The following FBXO15 variants were observed in gnomAD, a reference collection of about 807,000 sequenced individuals.
FBXO15 encodes F-box only protein 15.
Under a neutral mutation model 49.5 loss-of-function variants are expected in FBXO15, and 30 were observed. That is an observed-to-expected ratio of 0.61 (90% CI 0.45 to 0.82). FBXO15 has a LOEUF of 0.82. FBXO15 is among the 40% of genes least tolerant of loss of function. The pLI is 0.00. For synonymous variants in FBXO15, 250 were observed against 232.7 expected, an observed-to-expected ratio of 1.07 and a Z score of -0.68; for missense variants, 591 against 631.5, an observed-to-expected ratio of 0.94 and a Z score of 0.69.
intron 9 of FBXO15, chr18:74,076,618 A>T (rs1912267812): frequency 2.0e-5 from 3 of 152,178 alleles, no homozygotes; most frequent in Admixed American, 2.0e-4. Flanking sequence ...AAACCAAGTG[A>T]CTGCTCTTCC....
chr18:74,102,303 T>C (rs1913557473), intron 8 of FBXO15, among the ~76,000 whole-genome samples: 1 of 151,838 alleles, frequency 6.6e-6, no homozygotes, highest in Non-Finnish European at 1.5e-5. Flanking sequence ...AGGATATGAA[T>C]AGATAATTCT....
chr18:74,129,914 G>C (rs1233484316), intron 4 of FBXO15, among the ~76,000 whole-genome samples: 1 of 152,134 alleles, frequency 6.6e-6, no homozygotes, highest in Non-Finnish European at 1.5e-5. Context: ...AGATAAGTAG[G>C]TTACTTCTGC....
intron 4 of FBXO15, 149 bp downstream of exon 4, chr18:74,130,267 C>T (rs961092925): frequency 4.6e-5 from 51 of 1,103,572 alleles, no homozygotes; most frequent in South Asian, 1.5e-4. Context: ...GAAGGCTATG[C>T]GGAATAGGAA....
At chr18:74,088,677 A>C (rs1036933692) in intron 8 of FBXO15, among the ~76,000 whole-genome samples, 1 of 152,042 alleles carries the variant, frequency 6.6e-6, no homozygotes, top group South Asian at 2.1e-4. Flanking sequence ...GATTGCCTTG[A>C]CTATTTGGGC....
At position 74,110,999 on chromosome 18, in the gene FBXO15, T is replaced by C. The variant is rs144381634; in HGVS notation, c.1138+12369A>G. 2.3e-3 allele frequency among the ~76,000 whole-genome samples: 351 copies of C among 152,144 alleles called. 1 individual carries two copies. Among genetic ancestry groups the C allele is most frequent in the African/African-American group, 8.0e-3 (334 of 41,496 alleles). ...CACCTCTCTATCAGAAATTGACAGA[T>C]CCAGCAGGCAGAAAATCAGTAAGGA... On this transcript the variant is annotated intron_variant, in intron 8 of 9. Coordinates refer to ENST00000419743, the MANE Select transcript of FBXO15 (RefSeq NM_001142958.2).
At chr18:74,089,916 T>C (rs146572330) in intron 8 of FBXO15, among the ~76,000 whole-genome samples, 16,496 of 152,204 alleles carry the variant, frequency 0.11, 1,147 homozygotes, top group East Asian at 0.16. Flanking sequence ...GGTATCAGGA[T>C]GATGCTGGCC....
intron 8 of FBXO15, among the ~76,000 whole-genome samples, chr18:74,107,072 T>A (rs1377442584): frequency 1.3e-5 from 2 of 152,022 alleles, no homozygotes; most frequent in African/African-American, 4.8e-5. Flanking sequence ...TTTGCTTCTT[T>A]ATAAATTCTA....
At chr18:74,101,522 G>A (rs773600996) in intron 8 of FBXO15, among the ~76,000 whole-genome samples, 10 of 152,056 alleles carry the variant, frequency 6.6e-5, no homozygotes, top group Non-Finnish European at 1.5e-4. Context: ...TTGATATTGT[G>A]AAAATGACCA....
At chr18:74,138,408 C>A (rs1246662133) in intron 2 of FBXO15, among the ~76,000 whole-genome samples, 1 of 152,154 alleles carries the variant, frequency 6.6e-6, no homozygotes, top group Non-Finnish European at 1.5e-5. Context: ...AGGTCACCGA[C>A]TGCTCTTGTG....
At chr18:74,117,391 A>C (rs1914277763) in intron 8 of FBXO15, among the ~76,000 whole-genome samples, 1 of 152,214 alleles carries the variant, frequency 6.6e-6, no homozygotes, top group Admixed American at 6.5e-5. Context: ...AAATTGGCTT[A>C]AATGTTACTC....
intron 3 of FBXO15, among the ~76,000 whole-genome samples, chr18:74,135,234 G>A (rs1244574905): frequency 6.6e-6 from 1 of 152,174 alleles, no homozygotes; most frequent in Non-Finnish European, 1.5e-5. Flanking sequence ...ACAACCTCTA[G>A]GAGAGGACAG....
chr18:74,117,384 T>G (rs1382753074), intron 8 of FBXO15, among the ~76,000 whole-genome samples: 1 of 152,082 alleles, frequency 6.6e-6, no homozygotes, highest in Non-Finnish European at 1.5e-5. Flanking sequence ...TAACACAAAA[T>G]TGGCTTAAAT....
intron 8 of FBXO15, among the ~76,000 whole-genome samples, chr18:74,091,975 T>C (rs1163159323): frequency 6.6e-6 from 1 of 152,216 alleles, no homozygotes; most frequent in Non-Finnish European, 1.5e-5. Context: ...TAAAATATGT[T>C]TTTCAAGGCG....
intron 6 of FBXO15, among the ~76,000 whole-genome samples, chr18:74,124,986 TG>T (rs1386245747): frequency 6.6e-6 from 1 of 152,192 alleles, no homozygotes; most frequent in African/African-American, 2.4e-5. Flanking sequence ...AGTAACTGCT[TG>T]ATTTGGCCAA....
intron 7 of FBXO15, among the ~76,000 whole-genome samples, 162 bp downstream of exon 7, chr18:74,124,327 T>A (rs1026092376): frequency 2.0e-5 from 3 of 152,218 alleles, no homozygotes; most frequent in African/African-American, 7.2e-5. Flanking sequence ...TCGTGAATAA[T>A]CCAATTATTT....
intron 8 of FBXO15, among the ~76,000 whole-genome samples, chr18:74,096,523 T>C (rs1293359827): frequency 1.6e-5 from 2 of 128,940 alleles, no homozygotes; most frequent in Non-Finnish European, 3.4e-5. Flanking sequence ...ATACATCCCA[T>C]AAAAAAAAAC....
intron 2 of FBXO15, among the ~76,000 whole-genome samples, chr18:74,138,268 C>T (rs4556879): frequency 0.044 from 6,714 of 152,262 alleles, 202 homozygotes; most frequent in East Asian, 0.12. Context: ...TTGCTTTCTA[C>T]ATTCCAGTGT....
At chr18:74,082,236 G>C (rs1912534717) in intron 8 of FBXO15, 185 bp from the exon 9 acceptor site, 1 of 451,884 alleles carries the variant, frequency 2.2e-6, no homozygotes, top group African/African-American at 2.0e-5. Context: ...CTGTGTCCCA[G>C]AGGCAGAAAC....
chr18:74,144,375 C>T (rs969456226), intron 1 of FBXO15, among the ~76,000 whole-genome samples: 2 of 149,916 alleles, frequency 1.3e-5, no homozygotes, highest in East Asian at 3.9e-4. Flanking sequence ...TTTTTCTTAG[C>T]ATATTGAATC....
Sources: allele counts gnomAD v4.1 joint callset (sites outside exome capture counted in the v4.1 genomes callset), GRCh38; gene constraint gnomAD v4.1.1; transcripts MANE v1.5; gene names NCBI Gene and HGNC (gene_info 2026-07-23, HGNC 2026-07-21).